The following RAB34 variants were observed in gnomAD, a reference collection of about 807,000 sequenced individuals.
RAB34 encodes RAB34, member RAS oncogene family.
In RAB34, 33 loss-of-function variants were observed where a neutral mutation model predicts 39.0. The observed-to-expected ratio is 0.85, with a 90% CI of 0.64 to 1.13. The LOEUF (loss-of-function observed/expected upper bound fraction) is 1.13. Ranked by LOEUF, RAB34 falls within the 50% of genes most tolerant of loss-of-function variation. RAB34 has a pLI of 0.00. For missense variants in RAB34, 289 were observed against 326.1 expected, an observed-to-expected ratio of 0.89 and a Z score of 0.88; for synonymous variants, 135 against 125.1, an observed-to-expected ratio of 1.08 and a Z score of -0.53.
At chr17:28,717,874 G>A (rs1328181692), upstream of RAB34, 16 of 1,358,462 alleles carry the variant, frequency 1.2e-5, no homozygotes, top group Non-Finnish European at 1.5e-5. Context: ...GCTGTAACAC[G>A]ATCCCCGGAA....
At chr17:28,718,268 A>G, upstream of RAB34, 3 of 1,547,444 alleles carry the variant, frequency 1.9e-6, no homozygotes, top group Non-Finnish European at 2.6e-6. Flanking sequence ...GGTGACTCAT[A>G]GAGTCTGCCC....
chr17:28,716,670 C>T (rs991014965), intron 2 of RAB34: 1 of 476,824 alleles, frequency 2.1e-6, no homozygotes, highest in Non-Finnish European at 3.7e-6. Context: ...TTTCAGACAC[C>T]TTAGTCTCTA....
Position 28,717,011 on chromosome 17 carries a change from G to A in RAB34, c.55-17C>T. 1 of 1,612,482 alleles carries A rather than the reference G, an allele frequency of 6.2e-7. No individual in the cohort carries two copies. The highest frequency in any genetic ancestry group is 1.1e-5 in the South Asian group (1 of 90,970). On this transcript the variant is annotated splice_polypyrimidine_tract_variant and intron_variant, in intron 1 of 9. Transcript: ENST00000395245. The stretch of plus-strand genomic sequence containing the variant: ...CCTCAGGCACTTAGTGGGAAGGATG[G>A]AAGAGAATGGAGCTTCCTACTCCTG...
Position 28,717,418 on chromosome 17 carries a change from C to T in RAB34, c.-152G>A. The T allele has an allele frequency of 6.7e-7, 1 of 1,498,312 alleles. No individual in the cohort carries two copies. Among genetic ancestry groups the T allele is most frequent in the Middle Eastern group, 1.7e-4 (1 of 5,776 alleles). 92.8% of individuals were successfully genotyped at this position (1,498,312 alleles called of 1,614,324 possible). On this transcript the variant is annotated 5_prime_UTR_variant, in exon 1 of 10. Transcript: ENST00000395245. ...GGGACCCTACGGGAGTCCGCGGTCT[C>T]GGAGACGCTACGACCACCGCGGGCC...
At chr17:28,715,311 G>A (rs775692768) in intron 6 of RAB34, 35 bp from the exon 7 acceptor site, 23 of 1,600,632 alleles carry the variant, frequency 1.4e-5, no homozygotes, top group Non-Finnish European at 1.9e-5. Context: ...GGATGAGTGA[G>A]TCTGCAGGGC....
At position 28,716,764 on chromosome 17, in the gene RAB34, C is replaced by T. The variant is rs987223885; in HGVS notation, c.146+139G>A. The T allele has an allele frequency of 4.4e-5, 43 of 987,320 alleles. No individual in the cohort carries two copies. The African/African-American group carries it at 7.2e-4, about 17-fold the overall frequency. 61.2% of individuals were successfully genotyped at this position (987,320 alleles called of 1,614,324 possible). ...CTTGTTGGGAGAAAAGGAGGGGATA[C>T]AGGGGCTTAAAGAGGGGGAAATAAC... On this transcript the variant is annotated intron_variant, in intron 2 of 9. Transcript: ENST00000395245.
At position 28,715,886 on chromosome 17, in the gene RAB34, GGTGTCT is replaced by G; in HGVS notation, c.222_227del (p.Lys74_Thr76delinsAsn). The G allele has an allele frequency of 6.2e-7, 1 of 1,613,910 alleles. No homozygotes were observed. Among genetic ancestry groups the G allele is most frequent in the Non-Finnish European group, 8.5e-7 (1 of 1,179,918 alleles). On this transcript the variant is annotated inframe_deletion, in exon 4 of 10. Coordinates refer to ENST00000395245, the MANE Select transcript of RAB34 (RefSeq NM_031934.6). Reference sequence around the variant, plus strand: ...TGGTGGCCTTGTAATTCTTATCAAAGGTGTCTTTGCAGAACCTGAGAGGGTACCAGA... The same window carrying G: ...TGGTGGCCTTGTAATTCTTATCAAAGTTGCAGAACCTGAGAGGGTACCAGA...
chr17:28,716,121 A>G (rs923314222), intron 2 of RAB34, 63 bp from the exon 3 acceptor site: 27 of 1,609,438 alleles, frequency 1.7e-5, no homozygotes, highest in African/African-American at 1.1e-4. Context: ...GGGAGTTCCA[A>G]TGCTCCCGAC....
Position 28,715,176 on chromosome 17 carries a change from C to T in RAB34, c.513+19G>A. 6.2e-7 allele frequency: 1 copy of T among 1,613,780 alleles called. No individual in the cohort carries two copies. The highest frequency in any genetic ancestry group is 8.5e-7 in the Non-Finnish European group (1 of 1,179,732). ...CATTCCCTCACCAAGCTGGGAAGTC[C>T]CCCCACTGGCACACTCACACTCAGA... is the stretch of plus-strand genomic sequence containing the variant. On this transcript the variant is annotated intron_variant, in intron 7 of 9. Coordinates refer to ENST00000395245, the MANE Select transcript of RAB34 (RefSeq NM_031934.6).
At chr17:28,716,639 G>C in intron 2 of RAB34, 1 of 402,182 alleles carries the variant, frequency 2.5e-6, no homozygotes, top group Middle Eastern at 6.7e-4. Flanking sequence ...GTGGGGATCT[G>C]AGCAGGTGAC....
chr17:28,717,202 C>T lies in RAB34; in HGVS notation c.54+11G>A. 6.3e-7 allele frequency: 1 copy of T among 1,596,656 alleles called. No individual in the cohort carries two copies. The highest frequency in any genetic ancestry group is 8.5e-7 in the Non-Finnish European group (1 of 1,175,154). The stretch of plus-strand genomic sequence containing the variant: ...CTGTAGACTGAAGCCCGACGTGGCC[C>T]CGGCGCCTACCTGGGGCAGCTCCGC... On this transcript the variant is annotated intron_variant, in intron 1 of 9. Coordinates refer to ENST00000395245, the MANE Select transcript of RAB34 (RefSeq NM_031934.6).
rs941474283 is a variant in RAB34 at position 28,716,422 on chromosome 17, C to T, written c.147-364G>A. Reference sequence around the variant, plus strand: ...TCCTATATTCTAAGACACCCTCCCCCCCGCATTTTAATGTCTGAAATCAGG... The same window carrying T: ...TCCTATATTCTAAGACACCCTCCCCTCCGCATTTTAATGTCTGAAATCAGG... On this transcript the variant is annotated intron_variant, in intron 2 of 9. Coordinates refer to ENST00000395245, the MANE Select transcript of RAB34 (RefSeq NM_031934.6). 1.4e-5 allele frequency: 4 copies of T among 288,618 alleles called. No individual in the cohort carries two copies. The East Asian group carries it at 2.9e-4, about 21-fold the overall frequency. The allele number at this position is 288,618 out of a possible 1,614,324, so 17.9% of individuals were successfully genotyped here. A position where few individuals can be genotyped will look rare whatever the true frequency, so the allele number is the denominator to read the frequency against.
chr17:28,715,011 G>A, intron 8 of RAB34, 21 bp downstream of exon 8: 1 of 1,609,790 alleles, frequency 6.2e-7, no homozygotes, highest in Non-Finnish European at 8.5e-7. Context: ...TCACAGCAGA[G>A]CCCTAAAGCC....
Position 28,716,873 on chromosome 17 carries a change from C to T in RAB34, c.146+30G>A, listed in dbSNP as rs185353421. ...TGACTACAGAGTTTCCTGGGACCTC[C>T]TCTCTTTGTTGTGGGTGTCCCTAAC... On this transcript the variant is annotated intron_variant, in intron 2 of 9. Transcript: ENST00000395245. The T allele has an allele frequency of 4.2e-5, 67 of 1,600,186 alleles. 2 individuals are homozygous for T. The Admixed American group carries it at 1.0e-3, about 24-fold the overall frequency.
rs2033713827 is a variant in RAB34, at chr17:28,717,491, C to T, written c.-225G>A. The T allele has an allele frequency of 1.4e-6, 2 of 1,438,190 alleles. No homozygotes were observed. Among genetic ancestry groups the T allele is most frequent in the Non-Finnish European group, 1.8e-6 (2 of 1,097,646 alleles). The allele number at this position is 1,438,190 out of a possible 1,614,324, so 89.1% of individuals were successfully genotyped here. The stretch of plus-strand genomic sequence containing the variant: ...GGGCCGCGGCGAGCCCAAAATCACC[C>T]GGGCCCTGGGCGTCCCGAAGATGAC... On this transcript the variant is annotated 5_prime_UTR_variant, in exon 1 of 10. Transcript: ENST00000395245.
rs1240423390 is a variant in RAB34, at chr17:28,715,282, A to G, written c.432-6T>C. ...GGGCATCGGCCAGCCACTGCCTGCCATGGGAGGTGGAAAGTAAGGGATGAG... is the reference window on the plus strand; with the variant it reads ...GGGCATCGGCCAGCCACTGCCTGCCGTGGGAGGTGGAAAGTAAGGGATGAG... On this transcript the variant is annotated splice_region_variant and splice_polypyrimidine_tract_variant and intron_variant, in intron 6 of 9. Coordinates refer to ENST00000395245, the MANE Select transcript of RAB34 (RefSeq NM_031934.6). 3 of 1,612,386 alleles carry G rather than the reference A, an allele frequency of 1.9e-6. No homozygotes were observed. The highest frequency in any genetic ancestry group is 2.5e-6 in the Non-Finnish European group (3 of 1,179,336).
In RAB34 at chr17:28,714,331, G is replaced by A. The variant is rs546266438; in HGVS notation, c.*312C>T. ...ATGCATAAGGCACAGTGAGAGGCTGGAATCATTAAGCATCCTCAAACACAA... is the reference window on the plus strand; with the variant it reads ...ATGCATAAGGCACAGTGAGAGGCTGAAATCATTAAGCATCCTCAAACACAA... On this transcript the variant is annotated 3_prime_UTR_variant, in exon 10 of 10. Transcript: ENST00000395245. 1.2e-5 allele frequency: 7 copies of A among 589,676 alleles called. No homozygotes were observed. The East Asian group carries it at 2.0e-4, about 17-fold the overall frequency. The allele number at this position is 589,676 out of a possible 1,614,324, so 36.5% of individuals were successfully genotyped here.
In RAB34 at chr17:28,717,203, C is replaced by G. The variant is rs760128971; in HGVS notation, c.54+10G>C. 1 of 1,596,940 alleles carries G rather than the reference C, an allele frequency of 6.3e-7. No homozygotes were observed. The highest frequency in any genetic ancestry group is 8.5e-7 in the Non-Finnish European group (1 of 1,175,226). ...TGTAGACTGAAGCCCGACGTGGCCCCGGCGCCTACCTGGGGCAGCTCCGCC... is the reference window on the plus strand; with the variant it reads ...TGTAGACTGAAGCCCGACGTGGCCCGGGCGCCTACCTGGGGCAGCTCCGCC... On this transcript the variant is annotated intron_variant, in intron 1 of 9. Transcript: ENST00000395245.
upstream of RAB34, chr17:28,718,322 G>A (rs1224728581): frequency 6.8e-7 from 1 of 1,468,372 alleles, no homozygotes; most frequent in Non-Finnish European, 9.1e-7. Flanking sequence ...GAGGATGGTG[G>A]AGGGGAAGCG....
Sources: gnomAD v4.1 joint callset for allele counts on GRCh38, gnomAD v4.1.1 for gene constraint, MANE v1.5 for transcripts, NCBI Gene and HGNC (gene_info 2026-07-23, HGNC 2026-07-21) for gene names.